LRRTM4: variants seen among roughly 807,000 people sequenced by gnomAD.
The protein encoded by LRRTM4 is leucine rich repeat transmembrane neuronal 4.
A neutral mutation model predicts 47.6 loss-of-function variants in LRRTM4; 25 were observed. That is an observed-to-expected ratio of 0.53 (90% CI 0.38 to 0.73). LRRTM4 has a LOEUF of 0.73. LRRTM4 is among the 30% of genes least tolerant of loss of function. The pLI is 0.00. For missense variants in LRRTM4, 638 were observed against 713.4 expected, an observed-to-expected ratio of 0.89 and a Z score of 1.20; for synonymous variants, 311 against 269.5, an observed-to-expected ratio of 1.15 and a Z score of -1.51.
chr2:76,812,394 G>A (rs1350005072), intron 3 of LRRTM4, among the ~76,000 whole-genome samples: 1 of 152,148 alleles, frequency 6.6e-6, no homozygotes, highest in Admixed American at 6.5e-5. Context: ...AAGGAATAGT[G>A]GTTAACAAAT....
chr2:77,189,708 T>C (rs1252461810), intron 3 of LRRTM4, among the ~76,000 whole-genome samples: 2 of 151,432 alleles, frequency 1.3e-5, no homozygotes, highest in African/African-American at 4.9e-5. Flanking sequence ...TCTATGCTAA[T>C]TTGTTATAGA....
At chr2:77,177,349 A>C (rs900059210) in intron 3 of LRRTM4, among the ~76,000 whole-genome samples, 1 of 152,090 alleles carries the variant, frequency 6.6e-6, no homozygotes, top group Non-Finnish European at 1.5e-5. Flanking sequence ...GTAGCAGATT[A>C]TTTTTCATGT....
chr2:76,942,491 A>AT (rs59455803), intron 3 of LRRTM4, among the ~76,000 whole-genome samples: 18,404 of 142,592 alleles, frequency 0.13, 1,357 homozygotes, highest in Middle Eastern at 0.21. Flanking sequence ...CTGTGCTAAC[A>AT]TTTTTTTTTT....
At chr2:76,759,633 G>T (rs1057211663) in intron 3 of LRRTM4, among the ~76,000 whole-genome samples, 1 of 151,444 alleles carries the variant, frequency 6.6e-6, no homozygotes, top group Non-Finnish European at 1.5e-5. Context: ...TATTGTATAT[G>T]TGTGTGTGTG....
chr2:77,475,634 T>C lies in LRRTM4; in HGVS notation c.1551+42684A>G, dbSNP rs370522938. On this transcript the variant is annotated intron_variant, in intron 3 of 3. Coordinates refer to ENST00000409884, the MANE Select transcript of LRRTM4 (RefSeq NM_001134745.3). ...TAAATAATATACATATTTTAAAGTG[T>C]TTTATATTTCTATATTGTCTTCTAC... Among the ~76,000 whole-genome samples, 7 of 151,936 alleles carry C rather than the reference T, an allele frequency of 4.6e-5. No homozygotes were observed. In the East Asian group the frequency reaches 7.7e-4, roughly 17 times the overall value.
intron 3 of LRRTM4, among the ~76,000 whole-genome samples, chr2:77,177,362 CTT>C (rs1393699373): frequency 6.6e-6 from 1 of 152,126 alleles, no homozygotes; most frequent in African/African-American, 2.4e-5. Flanking sequence ...TTTCATGTCT[CTT>C]AGAATGTGTC....
At chr2:77,304,420 A>G (rs544261557) in intron 3 of LRRTM4, among the ~76,000 whole-genome samples, 33 of 152,254 alleles carry the variant, frequency 2.2e-4, no homozygotes, top group Middle Eastern at 3.4e-3. Context: ...TCCTGAATCC[A>G]GAAAGAAGAG....
intron 3 of LRRTM4, among the ~76,000 whole-genome samples, chr2:77,368,721 T>C (rs1429427224): frequency 1.3e-5 from 2 of 151,912 alleles, no homozygotes; most frequent in African/African-American, 4.8e-5. Flanking sequence ...TCTTACTCCA[T>C]TGTGGTCCAA....
At chr2:76,792,616 G>A (rs1675035943) in intron 3 of LRRTM4, among the ~76,000 whole-genome samples, 1 of 152,014 alleles carries the variant, frequency 6.6e-6, no homozygotes, top group Non-Finnish European at 1.5e-5. Context: ...AAGAGAAGCT[G>A]CTTTATGGGT....
rs369806648 is a variant in LRRTM4, at chr2:77,107,289, A to G, written c.1552-358373T>C. Among the ~76,000 whole-genome samples the G allele has an allele frequency of 1.2e-3, 167 of 134,472 alleles. 2 individuals are homozygous for G. Among genetic ancestry groups the G allele is most frequent in the African/African-American group, 4.7e-3 (142 of 30,220 alleles). 88.2% of individuals were successfully genotyped at this position (134,472 alleles called of 152,430 possible). On this transcript the variant is annotated intron_variant, in intron 3 of 3. Coordinates refer to ENST00000409884, the MANE Select transcript of LRRTM4 (RefSeq NM_001134745.3). ...TCTTTGGCACAATAAACAATGAACT[A>G]TATTACCTTTATATATTGCAAAAAA... is the stretch of plus-strand genomic sequence containing the variant.
chr2:77,345,000 AG>A (rs1256611690), intron 3 of LRRTM4, among the ~76,000 whole-genome samples: 1 of 151,498 alleles, frequency 6.6e-6, no homozygotes, highest in Non-Finnish European at 1.5e-5. Flanking sequence ...TTATATAAAT[AG>A]TTATTGATAA....
chr2:76,945,081 T>C (rs1025632910), intron 3 of LRRTM4, among the ~76,000 whole-genome samples: 5 of 152,050 alleles, frequency 3.3e-5, no homozygotes, highest in Non-Finnish European at 7.4e-5. Flanking sequence ...GTATGTGTTT[T>C]TTGGCCAAGG....
At chr2:77,233,848 G>A (rs543216514) in intron 3 of LRRTM4, among the ~76,000 whole-genome samples, 5 of 152,202 alleles carry the variant, frequency 3.3e-5, no homozygotes, top group African/African-American at 4.8e-5. Context: ...GTGCAACAGC[G>A]CGATCTTGGC....
At position 77,460,026 on chromosome 2, in the gene LRRTM4, T is replaced by C. The variant is rs557856738; in HGVS notation, c.1551+58292A>G. On this transcript the variant is annotated intron_variant, in intron 3 of 3. Transcript: ENST00000409884. ...GATAATCTTCAAATTACTACGTTTC[T>C]CTTTCCACTTGAGTGAACTAATTGA... 3.3e-5 allele frequency among the ~76,000 whole-genome samples: 5 copies of C among 151,944 alleles called. No homozygotes were observed. The East Asian group carries it at 9.7e-4, about 30-fold the overall frequency.
intron 3 of LRRTM4, among the ~76,000 whole-genome samples, chr2:77,157,631 A>C (rs554524434): frequency 3.9e-5 from 6 of 152,262 alleles, no homozygotes; most frequent in South Asian, 2.1e-4. Flanking sequence ...AACATTCTGC[A>C]CTTGACTAGA....
At chr2:77,455,852 C>G (rs1676517872) in intron 3 of LRRTM4, among the ~76,000 whole-genome samples, 1 of 152,094 alleles carries the variant, frequency 6.6e-6, no homozygotes, top group Admixed American at 6.6e-5. Flanking sequence ...GAACAGCCCA[C>G]TCTCCCGATA....
intron 3 of LRRTM4, among the ~76,000 whole-genome samples, chr2:76,779,690 A>C (rs1339522806): frequency 6.6e-6 from 1 of 151,844 alleles, no homozygotes; most frequent in Admixed American, 6.6e-5. Flanking sequence ...AATACAGCAC[A>C]CTGATGGGTC....
intron 3 of LRRTM4, among the ~76,000 whole-genome samples, chr2:77,029,296 G>A (rs532701413): frequency 5.3e-5 from 8 of 151,940 alleles, no homozygotes; most frequent in South Asian, 4.2e-4. Context: ...ACAATAGGCC[G>A]TCTGCAAGCT....
At chr2:77,433,104 G>A (rs1675450583) in intron 3 of LRRTM4, among the ~76,000 whole-genome samples, 1 of 152,122 alleles carries the variant, frequency 6.6e-6, no homozygotes, top group South Asian at 2.1e-4. Flanking sequence ...CAGTTTTCAG[G>A]TAGGTTAGTT....
Sources: allele counts gnomAD v4.1 joint callset (sites outside exome capture counted in the v4.1 genomes callset), GRCh38; gene constraint gnomAD v4.1.1; transcripts MANE v1.5; gene names NCBI Gene and HGNC (gene_info 2026-07-23, HGNC 2026-07-21).